Variants in RAP1A observed in about 807,000 individuals in gnomAD.
RAP1A encodes RAP1A, member of RAS oncogene family.
In RAP1A, 6 loss-of-function variants were observed where a neutral mutation model predicts 26.4. The ratio of observed to expected loss-of-function variants is 0.23; its 90% CI spans 0.12 to 0.45. RAP1A has a LOEUF of 0.45. Ranked by LOEUF, RAP1A falls within the 20% of genes least tolerant of loss-of-function variation. RAP1A has a pLI of 0.99. For missense variants in RAP1A, 121 were observed against 217.2 expected, an observed-to-expected ratio of 0.56 and a Z score of 2.78; for synonymous variants, 73 against 79.4, an observed-to-expected ratio of 0.92 and a Z score of 0.43.
At chr1:111,620,363 C>T (rs1659153958) in intron 1 of RAP1A, among the ~76,000 whole-genome samples, 1 of 152,216 alleles carries the variant, frequency 6.6e-6, no homozygotes, top group African/African-American at 2.4e-5. Flanking sequence ...ACATCGCTGC[C>T]TTCCTCCTCT....
intron 1 of RAP1A, among the ~76,000 whole-genome samples, chr1:111,553,965 C>G (rs1657378362): frequency 6.6e-6 from 1 of 152,188 alleles, no homozygotes; most frequent in African/African-American, 2.4e-5. Context: ...TGCATTGCTT[C>G]CCCATTCTGA....
intron 2 of RAP1A, among the ~76,000 whole-genome samples, chr1:111,694,090 GT>G (rs1332795612): frequency 6.6e-6 from 1 of 152,018 alleles, no homozygotes; most frequent in African/African-American, 2.4e-5. Flanking sequence ...GTCTCACTAT[GT>G]TGCCCAGGTT....
At chr1:111,687,550 T>TA (rs1490687790) in intron 1 of RAP1A, among the ~76,000 whole-genome samples, 1 of 152,202 alleles carries the variant, frequency 6.6e-6, no homozygotes, top group Non-Finnish European at 1.5e-5. Flanking sequence ...CTCTGGGACT[T>TA]ACAATATACT....
At chr1:111,669,915 A>G (rs147822964) in intron 1 of RAP1A, among the ~76,000 whole-genome samples, 5 of 152,350 alleles carry the variant, frequency 3.3e-5, no homozygotes, top group African/African-American at 1.2e-4. Context: ...CACTTTCAAA[A>G]GCTCTGCAAT....
At chr1:111,672,223 G>T (rs1271184651) in intron 1 of RAP1A, among the ~76,000 whole-genome samples, 2 of 152,000 alleles carry the variant, frequency 1.3e-5, no homozygotes, top group Non-Finnish European at 2.9e-5. Flanking sequence ...GTCAAGTTTT[G>T]CTTTGTATGC....
intron 1 of RAP1A, among the ~76,000 whole-genome samples, chr1:111,589,581 C>T (rs1040724626): frequency 1.3e-5 from 2 of 152,202 alleles, no homozygotes; most frequent in Non-Finnish European, 2.9e-5. Context: ...TAACTCCTTA[C>T]ACTGAGAATC....
At chr1:111,573,950 C>G (rs1658099306) in intron 1 of RAP1A, among the ~76,000 whole-genome samples, 1 of 152,116 alleles carries the variant, frequency 6.6e-6, no homozygotes, top group Non-Finnish European at 1.5e-5. Flanking sequence ...TGCAGAAGCT[C>G]TTTAGTTTAA....
intron 1 of RAP1A, among the ~76,000 whole-genome samples, chr1:111,676,365 A>G (rs535877681): frequency 2.6e-4 from 40 of 152,024 alleles, no homozygotes; most frequent in Non-Finnish European, 4.1e-4. Context: ...ATAAAAAATA[A>G]ATAAGGTGAG....
intron 1 of RAP1A, among the ~76,000 whole-genome samples, chr1:111,550,478 T>C (rs957352528): frequency 1.2e-4 from 18 of 152,200 alleles, no homozygotes; most frequent in African/African-American, 3.6e-4. Flanking sequence ...ACTGTAAATT[T>C]CCCTCTAAGC....
At chr1:111,685,952 G>A (rs148849119) in intron 1 of RAP1A, among the ~76,000 whole-genome samples, 1,649 of 152,268 alleles carry the variant, frequency 0.011, 25 homozygotes, top group African/African-American at 0.038. Flanking sequence ...CCATGAAAGA[G>A]AATGAGTTCA....
intron 1 of RAP1A, among the ~76,000 whole-genome samples, chr1:111,679,521 T>TCTTTTCTTTTC (rs201377121): frequency 6.6e-6 from 1 of 151,940 alleles, no homozygotes; most frequent in Non-Finnish European, 1.5e-5. Context: ...TCTTTTCTTT[T>TCTTTTCTTTTC]TTTTTGTACC....
At chr1:111,542,842 A>G (rs1311551934) in intron 1 of RAP1A, among the ~76,000 whole-genome samples, 1 of 152,038 alleles carries the variant, frequency 6.6e-6, no homozygotes, top group African/African-American at 2.4e-5. Flanking sequence ...GACTACAGGC[A>G]TGAACCACCA....
intron 1 of RAP1A, among the ~76,000 whole-genome samples, chr1:111,566,282 G>C (rs1047726062): frequency 6.6e-6 from 1 of 152,144 alleles, no homozygotes; most frequent in African/African-American, 2.4e-5. Flanking sequence ...GCAAGAGTCG[G>C]GGGCAGTGAC....
chr1:111,697,804 A>G (rs888836375), intron 4 of RAP1A, among the ~76,000 whole-genome samples: 5 of 152,104 alleles, frequency 3.3e-5, no homozygotes. Flanking sequence ...TTGTATTTCT[A>G]TGGGTTTAAA....
intron 1 of RAP1A, among the ~76,000 whole-genome samples, chr1:111,655,415 A>G (rs893682620): frequency 3.9e-5 from 6 of 152,098 alleles, no homozygotes; most frequent in Non-Finnish European, 5.9e-5. Flanking sequence ...TTAAAGATAA[A>G]TGAAAAAGAA....
At chr1:111,645,210 T>C (rs899396919) in intron 1 of RAP1A, among the ~76,000 whole-genome samples, 6 of 152,236 alleles carry the variant, frequency 3.9e-5, no homozygotes, top group Non-Finnish European at 7.3e-5. Context: ...CAGTCAAGTA[T>C]GACTTATAGG....
intron 1 of RAP1A, among the ~76,000 whole-genome samples, chr1:111,665,389 A>G (rs1410966728): frequency 6.6e-6 from 1 of 152,212 alleles, no homozygotes; most frequent in Non-Finnish European, 1.5e-5. Flanking sequence ...GAAATGTATC[A>G]AGATTCCAGA....
At chr1:111,688,822 G>GTTTTTTTTTTTTTTTTTTTTTTTT (rs767753356) in intron 1 of RAP1A, among the ~76,000 whole-genome samples, 3 of 90,060 alleles carry the variant, frequency 3.3e-5, no homozygotes, top group Non-Finnish European at 7.0e-5. Flanking sequence ...TTTTTTTTTT[G>GTTTTTTTTTTTTTTTTTTTTTTTT]TTTTTTTTTT....
intron 1 of RAP1A, among the ~76,000 whole-genome samples, chr1:111,657,690 A>G (rs753602155): frequency 6.6e-6 from 1 of 152,162 alleles, no homozygotes; most frequent in Non-Finnish European, 1.5e-5. Context: ...TTTTTCTAGC[A>G]CCATTTATTG....
Sources: allele counts gnomAD v4.1 joint callset (sites outside exome capture counted in the v4.1 genomes callset), GRCh38; gene constraint gnomAD v4.1.1; transcripts MANE v1.5; gene names NCBI Gene and HGNC (gene_info 2026-07-23, HGNC 2026-07-21).